GNL2: variants seen among roughly 807,000 people sequenced by gnomAD.
GNL2 encodes nucleolar GTP-binding protein 2.
Under a neutral mutation model 92.3 loss-of-function variants are expected in GNL2, and 51 were observed. That is an observed-to-expected ratio of 0.55 (90% confidence interval 0.44 to 0.70). The LOEUF is 0.70. Ranked by LOEUF, GNL2 falls within the 30% of genes least tolerant of loss-of-function variation. The pLI, the probability that GNL2 is intolerant of heterozygous loss-of-function variation, is 0.00. For synonymous variants in GNL2, 283 were observed against 300.6 expected, an observed-to-expected ratio of 0.94 and a Z score of 0.61; for missense variants, 844 against 895.6, an observed-to-expected ratio of 0.94 and a Z score of 0.74.
intron 3 of GNL2, among the ~76,000 whole-genome samples, chr1:37,591,355 T>C (rs1188441934): frequency 6.6e-6 from 1 of 152,166 alleles, no homozygotes; most frequent in Non-Finnish European, 1.5e-5. Context: ...GAAAACATCT[T>C]GTGAGGGAGA....
intron 12 of GNL2, among the ~76,000 whole-genome samples, chr1:37,571,550 C>T (rs1643594658): frequency 6.6e-6 from 1 of 152,122 alleles, no homozygotes; most frequent in African/African-American, 2.4e-5. Flanking sequence ...CACTCTTCAC[C>T]CAACCAATGA....
chr1:37,595,684 C>G, intron 1 of GNL2, 75 bp downstream of exon 1: 2 of 1,245,282 alleles, frequency 1.6e-6, no homozygotes, highest in Non-Finnish European at 2.4e-6. Flanking sequence ...AACCCTCCTT[C>G]CCCTCCAGTG....
At chr1:37,592,037 G>A (rs1265504536) in intron 3 of GNL2, among the ~76,000 whole-genome samples, 28 of 152,156 alleles carry the variant, frequency 1.8e-4, no homozygotes, top group Admixed American at 1.8e-3. Context: ...GCAGTTCTTA[G>A]GAAGTATCCC....
At position 37,566,980 on chromosome 1, in the gene GNL2, G is replaced by C. The variant is rs1643513530; in HGVS notation, c.2071C>G (p.Pro691Ala). 6.2e-7 allele frequency: 1 copy of C among 1,613,134 alleles called. No individual in the cohort carries two copies. Among genetic ancestry groups the C allele is most frequent in the Admixed American group, 1.7e-5 (1 of 59,914 alleles). The change falls in exon 16 of 16, where the codon CCG becomes GCG. Residue 691 changes from proline to alanine, a missense_variant. Physicochemically the swap from Pro to Ala is conservative, Grantham distance 27. Transcript: ENST00000373062. ...TAGTAGCGCACACCAACTTTTTTCG[G>C]CCGTTGCTGTCGTACTGCTCGCCTC... ...ERRRAVRQQR[P>A]KKVGVRYYET...
At chr1:37,592,161 G>A (rs182457222) in intron 3 of GNL2, among the ~76,000 whole-genome samples, 41 of 152,302 alleles carry the variant, frequency 2.7e-4, no homozygotes, top group Middle Eastern at 3.4e-3. Context: ...TTTACCAGTG[G>A]CTAAGGGCAA....
At chr1:37,567,465 CGTTG>C (rs1643523690) in intron 15 of GNL2, among the ~76,000 whole-genome samples, 1 of 151,794 alleles carries the variant, frequency 6.6e-6, no homozygotes, top group Non-Finnish European at 1.5e-5. Flanking sequence ...CGTGTGGAGA[CGTTG>C]ATTAGAAACT....
intron 15 of GNL2, 62 bp downstream of exon 15, chr1:37,567,611 G>A (rs993032454): frequency 9.1e-7 from 1 of 1,095,344 alleles, no homozygotes; most frequent in Admixed American, 1.7e-5. Flanking sequence ...GTTTCAGTGG[G>A]TCTTGACAAC....
At chr1:37,584,795 T>C (rs1643826448) in intron 5 of GNL2, among the ~76,000 whole-genome samples, 1 of 151,918 alleles carries the variant, frequency 6.6e-6, no homozygotes, top group Non-Finnish European at 1.5e-5. Context: ...TGAAAATGGT[T>C]AGAAGAGCTG....
rs1435487293 is a variant in GNL2 at position 37,587,369 on chromosome 1, T to C, written c.511A>G (p.Thr171Ala). 2 of 1,613,542 alleles carry C rather than the reference T, an allele frequency of 1.2e-6. No homozygotes were observed. The highest frequency in any genetic ancestry group is 1.6e-4 in the Middle Eastern group (1 of 6,082). ...TCCTTGCCCTGGTCATAGCTCTCAG[T>C]GGACATTTCAGCATTTTCGATAAGA... ...QSLIENAEMS[T>A]ESYDQGKDRD... Residue 171 changes from threonine to alanine, a missense_variant, in exon 5 of 16, where the codon ACT becomes GCT. By Grantham distance (58) the Thr-to-Ala change is moderately conservative. Coordinates refer to ENST00000373062, the MANE Select transcript of GNL2 (RefSeq NM_013285.3).
chr1:37,595,650 C>A, intron 1 of GNL2, 109 bp downstream of exon 1: 1 of 894,818 alleles, frequency 1.1e-6, no homozygotes, highest in East Asian at 2.6e-5. Context: ...CGCTCGTAGT[C>A]ATTCTAAGCA....
In GNL2 at chr1:37,567,920, C is replaced by A. The variant is rs559534565; in HGVS notation, c.1952-156G>T. On this transcript the variant is annotated intron_variant, in intron 14 of 15. Coordinates refer to ENST00000373062, the MANE Select transcript of GNL2 (RefSeq NM_013285.3). ...GTAAAGCAGGCCAAGGGGAGGCTGC[C>A]AGGTAAAAGGATGCCCTAAGCCATG... is the stretch of plus-strand genomic sequence containing the variant. The A allele has an allele frequency of 6.9e-4, 435 of 626,302 alleles. 1 individual carries two copies. The highest frequency in any genetic ancestry group is 1.1e-3 in the Non-Finnish European group (377 of 352,930). 38.8% of individuals were successfully genotyped at this position (626,302 alleles called of 1,614,324 possible). A position where few individuals can be genotyped will look rare whatever the true frequency, so the allele number is the denominator to read the frequency against.
chr1:37,568,075 T>C (rs1643535633), intron 14 of GNL2, 200 bp downstream of exon 14: 1 of 595,476 alleles, frequency 1.7e-6, no homozygotes, highest in Non-Finnish European at 3.0e-6. Context: ...GTTTCCTGAA[T>C]TGCCAATTTA....
rs929453334 is a variant in GNL2 at position 37,568,272 on chromosome 1, C to G, written c.1951+3G>C. 1 of 1,564,146 alleles carries G rather than the reference C, an allele frequency of 6.4e-7. No individual in the cohort carries two copies. Among genetic ancestry groups the G allele is most frequent in the African/African-American group, 1.3e-5 (1 of 74,144 alleles). On this transcript the variant is annotated splice_donor_region_variant and intron_variant, in intron 14 of 15. Coordinates refer to ENST00000373062, the MANE Select transcript of GNL2 (RefSeq NM_013285.3). ...CTAAATGATTGAAATAATTTAACTT[C>G]ACCTCTGTCATCTACATCTTCTTCC...
chr1:37,573,878 G>A (rs1448277154), intron 12 of GNL2, among the ~76,000 whole-genome samples: 1 of 152,100 alleles, frequency 6.6e-6, no homozygotes, highest in Non-Finnish European at 1.5e-5. Context: ...TCCCAACAGT[G>A]CTTCACCCTC....
At chr1:37,587,037 AGT>A (rs1478339475) in intron 5 of GNL2, among the ~76,000 whole-genome samples, 1 of 152,118 alleles carries the variant, frequency 6.6e-6, no homozygotes, top group African/African-American at 2.4e-5. Context: ...GAGGCCAAGG[AGT>A]GTGGATTGCC....
chr1:37,571,151 G>GA (rs1431773705), intron 12 of GNL2, among the ~76,000 whole-genome samples: 2 of 152,182 alleles, frequency 1.3e-5, no homozygotes, highest in Non-Finnish European at 2.9e-5. Flanking sequence ...ATATGAGAGT[G>GA]AAACTGCCTC....
chr1:37,576,167 G>T, intron 9 of GNL2: 1 of 379,030 alleles, frequency 2.6e-6, no homozygotes, highest in Non-Finnish European at 4.7e-6. Context: ...TAAAAGGCTG[G>T]AGTGATAATT....
rs1643549085 is a variant in GNL2 at position 37,568,845 on chromosome 1, T to C, written c.1868+6A>G. 4.4e-6 allele frequency: 7 copies of C among 1,605,142 alleles called. No individual in the cohort carries two copies. The highest frequency in any genetic ancestry group is 1.1e-5 in the South Asian group (1 of 90,036). ...TCTGCAATTTGTGAGAAGATGAAAA[T>C]ATTACCTGACTGCTGAAAACTTTTT... On this transcript the variant is annotated splice_donor_region_variant and intron_variant, in intron 13 of 15. Transcript: ENST00000373062.
Position 37,568,321 on chromosome 1 carries a change from T to G in GNL2, c.1905A>C (p.Lys635Asn), listed in dbSNP as rs1212062611. The G allele has an allele frequency of 1.9e-6, 3 of 1,610,764 alleles. No individual in the cohort carries two copies. Among genetic ancestry groups the G allele is most frequent in the South Asian group, 1.1e-5 (1 of 91,010 alleles). The change falls in exon 14 of 16, where the codon AAA becomes AAC. Residue 635 changes from lysine to asparagine, a missense_variant. Transcript: ENST00000373062. ...CCAGTGTTTTTCTTTGTTCTTCAGG[T>G]TTTGCAAATATCTTTTCACTCAGTC... ...SKGLSEKIFA[K>N]PEEQRKTLEE...
Sources: allele counts gnomAD v4.1 joint callset (sites outside exome capture counted in the v4.1 genomes callset), GRCh38; gene constraint gnomAD v4.1.1; transcripts MANE v1.5; gene names NCBI Gene and HGNC (gene_info 2026-07-23, HGNC 2026-07-21).